RPH3A: variants seen among roughly 807,000 people sequenced by gnomAD.
RPH3A encodes rabphilin-3A.
Under a neutral mutation model 102.2 loss-of-function variants are expected in RPH3A, and 48 were observed. The ratio of observed to expected loss-of-function variants is 0.47; its 90% CI spans 0.37 to 0.60. The LOEUF is 0.60. Ranked by LOEUF, RPH3A falls within the 20% of genes least tolerant of loss-of-function variation. The pLI is 0.00. For missense variants in RPH3A, 781 were observed against 910.1 expected (o/e 0.86, Z 1.83); for synonymous variants, 310 against 324.3 (o/e 0.96, Z 0.47).
At position 112,869,749 on chromosome 12, in the gene RPH3A, C is replaced by G; in HGVS notation, c.611-10C>G. 6.2e-7 allele frequency: 1 copy of G among 1,614,148 alleles called. No homozygotes were observed. The highest frequency in any genetic ancestry group is 8.5e-7 in the Non-Finnish European group (1 of 1,179,998). On this transcript the variant is annotated splice_polypyrimidine_tract_variant and intron_variant, in intron 8 of 21. Transcript: ENST00000389385. ...CAGTACTCCTCATAATTTGTGTTTT[C>G]TTTCTCCAGGTGACAGTGAAGATAG...
At chr12:112,837,682 T>C (rs2042075708) in intron 4 of RPH3A, 1 of 450,254 alleles carries the variant, frequency 2.2e-6, no homozygotes, top group Non-Finnish European at 4.5e-6. Context: ...GAATATATTA[T>C]TCAGACATGC....
At position 112,876,640 on chromosome 12, in the gene RPH3A, A is replaced by G; in HGVS notation, c.947-2A>G. On this transcript the variant is annotated splice_acceptor_variant, in intron 12 of 21. Coordinates refer to ENST00000389385, the MANE Select transcript of RPH3A (RefSeq NM_001143854.2). LOFTEE classifies it high-confidence loss of function. ...ATGTTTCCTGTCCTTATCTCCCTGC[A>G]GAGGTGGCTCCGAGCGACCCTGGGA... The G allele has an allele frequency of 6.2e-7, 1 of 1,600,240 alleles. No homozygotes were observed. Among genetic ancestry groups the G allele is most frequent in the Non-Finnish European group, 8.5e-7 (1 of 1,173,072 alleles).
intron 1 of RPH3A, among the ~76,000 whole-genome samples, chr12:112,615,894 C>T (rs1161370816): frequency 6.6e-6 from 1 of 152,094 alleles, no homozygotes; most frequent in Non-Finnish European, 1.5e-5. Context: ...AGAATGACGC[C>T]TGGCAGCTAG....
chr12:112,597,363 AC>A (rs1375682901), intron 1 of RPH3A, among the ~76,000 whole-genome samples: 1 of 152,178 alleles, frequency 6.6e-6, no homozygotes, highest in African/African-American at 2.4e-5. Flanking sequence ...CAGGCAGCTC[AC>A]TTGAGCCCAG....
At chr12:112,768,995 C>G (rs2040910600) in intron 1 of RPH3A, among the ~76,000 whole-genome samples, 1 of 152,186 alleles carries the variant, frequency 6.6e-6, no homozygotes, top group South Asian at 2.1e-4. Flanking sequence ...TTATTGTTTC[C>G]TGTTATTCTT....
intron 1 of RPH3A, among the ~76,000 whole-genome samples, chr12:112,678,064 G>A (rs1446466878): frequency 6.6e-6 from 1 of 151,694 alleles, no homozygotes; most frequent in East Asian, 1.9e-4. Context: ...AGGCATGGTG[G>A]TGCATGCCTG....
At chr12:112,752,697 T>A (rs1387901715) in intron 1 of RPH3A, among the ~76,000 whole-genome samples, 2 of 151,950 alleles carry the variant, frequency 1.3e-5, no homozygotes, top group African/African-American at 2.4e-5. Flanking sequence ...TATATTTTTC[T>A]ATTAACATAT....
chr12:112,712,740 C>T (rs2040471504), intron 1 of RPH3A, among the ~76,000 whole-genome samples: 1 of 151,904 alleles, frequency 6.6e-6, no homozygotes, highest in East Asian at 1.9e-4. Context: ...GAGACAGGGT[C>T]TCACTCTGTT....
chr12:112,887,917 G>T lies in RPH3A; in HGVS notation c.1557G>T (p.Val519=). ...ATTTCAACATCTGCCTGGAGCGAGT[G>T]ATTCCTGTGAGTGACTTTACCCTGA... ...RKNFNICLER[V]IPMKRAGTTG... is the part of the protein sequence containing the mutation. Residue 519 remains valine (V), a synonymous_variant, in exon 17 of 22, where the codon GTG becomes GTT. Coordinates refer to ENST00000389385, the MANE Select transcript of RPH3A (RefSeq NM_001143854.2). 6.2e-7 allele frequency: 1 copy of T among 1,613,378 alleles called. No individual in the cohort carries two copies. The highest frequency in any genetic ancestry group is 8.5e-7 in the Non-Finnish European group (1 of 1,179,436).
chr12:112,857,129 T>C (rs1395801298), intron 5 of RPH3A, among the ~76,000 whole-genome samples: 1 of 152,128 alleles, frequency 6.6e-6, no homozygotes. Flanking sequence ...TGTAAACACC[T>C]GAAGAAAGTG....
chr12:112,785,776 A>G lies in RPH3A; in HGVS notation c.-139-6367A>G, dbSNP rs114209805. The stretch of plus-strand genomic sequence containing the variant: ...GGTAGAGTCAGATTTGAACACTGGC[A>G]GCCTAGCTCTAGAACCTGGCCTCTT... On this transcript the variant is annotated intron_variant, in intron 1 of 21. Coordinates refer to the RPH3A transcript ENST00000543106. Among the ~76,000 whole-genome samples, 893 of 152,282 alleles carry G rather than the reference A, an allele frequency of 5.9e-3. 7 individuals are homozygous for G. Among genetic ancestry groups the G allele is most frequent in the African/African-American group, 0.021 (875 of 41,572 alleles).
At chr12:112,584,561 G>A (rs932444117) in intron 1 of RPH3A, among the ~76,000 whole-genome samples, 4 of 152,200 alleles carry the variant, frequency 2.6e-5, no homozygotes, top group Non-Finnish European at 4.4e-5. Context: ...CTGGAGGGGT[G>A]GGGCACCTCA....
intron 1 of RPH3A, among the ~76,000 whole-genome samples, chr12:112,598,613 A>G (rs1170644690): frequency 6.6e-6 from 1 of 152,174 alleles, no homozygotes; most frequent in Non-Finnish European, 1.5e-5. Flanking sequence ...GTGGAGACTG[A>G]AAAGTGAAAA....
intron 1 of RPH3A, among the ~76,000 whole-genome samples, chr12:112,699,546 A>G (rs960101208): frequency 6.6e-6 from 1 of 152,250 alleles, no homozygotes; most frequent in Non-Finnish European, 1.5e-5. Flanking sequence ...GTACAATTCC[A>G]TTTATATGAA....
In RPH3A at chr12:112,875,152, C is replaced by T; in HGVS notation, c.865C>T (p.Pro289Ser). 1.9e-6 allele frequency: 3 copies of T among 1,604,748 alleles called. No individual in the cohort carries two copies. Among genetic ancestry groups the T allele is most frequent in the Non-Finnish European group, 2.6e-6 (3 of 1,175,976 alleles). Residue 289 changes from proline to serine, a missense_variant, in exon 11 of 22, where the codon CCT (proline) becomes TCT (serine). Pro to Ser is a moderately conservative substitution (Grantham distance 74). Transcript: ENST00000389385. ...APGSVQSPAP[P>S]QPGQPGTPGG... ...AGGCTCGGTGCAGAGCCCAGCGCCACCTCAGCCTGGGCAGCCAGGTACCTG... is the reference window on the plus strand; with the variant it reads ...AGGCTCGGTGCAGAGCCCAGCGCCATCTCAGCCTGGGCAGCCAGGTACCTG...
At chr12:112,830,796 T>C (rs1366671981) in intron 3 of RPH3A, among the ~76,000 whole-genome samples, 5 of 151,462 alleles carry the variant, frequency 3.3e-5, no homozygotes, top group Admixed American at 2.6e-4. Flanking sequence ...TTTCTTTAGT[T>C]TTTTTTTTAT....
intron 5 of RPH3A, among the ~76,000 whole-genome samples, chr12:112,860,276 C>T (rs146155347): frequency 9.9e-4 from 151 of 152,316 alleles, no homozygotes; most frequent in African/African-American, 3.1e-3. Context: ...GGAAGATCTG[C>T]GTGTCCCCAC....
intron 1 of RPH3A, among the ~76,000 whole-genome samples, chr12:112,736,199 C>T (rs1592971434): frequency 6.6e-6 from 1 of 152,188 alleles, no homozygotes; most frequent in Non-Finnish European, 1.5e-5. Flanking sequence ...TACCCCTGAC[C>T]TCTATGCACG....
chr12:112,869,775 G>C lies in RPH3A; in HGVS notation c.627G>C (p.Arg209Ser), dbSNP rs777769955. The change falls in exon 9 of 22, where the codon AGG (arginine) becomes AGC (serine). Residue 209 changes from arginine (R) to serine (S), a missense_variant. Arg to Ser is a moderately radical substitution (Grantham distance 110). Transcript: ENST00000389385. The part of the protein sequence containing the change: ...RAPARGDSED[R>S]RGPGQKTGPD... ...TTTCTCCAGGTGACAGTGAAGATAG[G>C]AGGGGCCCGGGTCAGAAGACAGGTG... The C allele has an allele frequency of 1.9e-6, 3 of 1,614,036 alleles. No individual in the cohort carries two copies. The highest frequency in any genetic ancestry group is 2.5e-6 in the Non-Finnish European group (3 of 1,180,034).
Sources: allele counts gnomAD v4.1 joint callset (sites outside exome capture counted in the v4.1 genomes callset), GRCh38; gene constraint gnomAD v4.1.1; transcripts MANE v1.5; gene names NCBI Gene and HGNC (gene_info 2026-07-23, HGNC 2026-07-21).